Variants in LMO3 observed in about 807,000 individuals in gnomAD.
LMO3 encodes the protein LIM domain only protein 3.
In LMO3, 2 loss-of-function variants were observed where a neutral mutation model predicts 15.8. That is an observed-to-expected ratio of 0.13 (90% CI 0.05 to 0.40). LMO3 has a LOEUF of 0.40. Ranked by LOEUF, LMO3 falls within the 10% of genes least tolerant of loss-of-function variation. The probability of loss-of-function intolerance (pLI) is 0.99; values close to 1 mark genes in which losing one functional copy is unlikely to be tolerated. For synonymous variants in LMO3, 62 were observed against 63.8 expected, an observed-to-expected ratio of 0.97 and a Z score of 0.13; for missense variants, 86 against 182.2, an observed-to-expected ratio of 0.47 and a Z score of 3.04.
At chr12:16,605,012 C>A (rs1164272106) in intron 1 of LMO3, 1 of 1,579,462 alleles carries the variant, frequency 6.3e-7, no homozygotes, top group Non-Finnish European at 8.5e-7. Flanking sequence ...GCCTACACCG[C>A]CGAGGACCGA....
At position 16,559,391 on chromosome 12, in the gene LMO3, G is replaced by A. The variant is rs1042700575; in HGVS notation, c.332+1022C>T. Among the ~76,000 whole-genome samples the A allele has an allele frequency of 7.9e-5, 12 of 152,152 alleles. No individual in the cohort carries two copies. Among genetic ancestry groups the A allele is most frequent in the African/African-American group, 2.7e-4 (11 of 41,430 alleles). ...CTTTTCAGCTGAAAGAATTCTCTGA[G>A]ATGAACTAATCCAGCTTCATATGTT... On this transcript the variant is annotated intron_variant, in intron 3 of 3. Transcript: ENST00000537304. The surrounding 1 kb of genome is among the most constrained non-coding windows in gnomAD (Gnocchi z 4.1).
Position 16,585,773 on chromosome 12 carries a change from C to T in LMO3, c.206+14882G>A, listed in dbSNP as rs1177191154. On this transcript the variant is annotated intron_variant, in intron 2 of 3. Transcript: ENST00000537304. The surrounding 1 kb of genome is among the most constrained non-coding windows in gnomAD (Gnocchi z 4.7). ...TACAAAAGGCTGGAGAATCAATTAACATATATACTTCTAAACAATTGTTAG... is the reference window on the plus strand; with the variant it reads ...TACAAAAGGCTGGAGAATCAATTAATATATATACTTCTAAACAATTGTTAG... 1.3e-5 allele frequency among the ~76,000 whole-genome samples: 2 copies of T among 152,156 alleles called. No homozygotes were observed. Among genetic ancestry groups the T allele is most frequent in the Non-Finnish European group, 2.9e-5 (2 of 68,032 alleles).
Position 16,551,232 on chromosome 12 carries a change from T to A in LMO3, c.428A>T (p.Gln143Leu), listed in dbSNP as rs1565477501. 2.5e-6 allele frequency: 4 copies of A among 1,600,956 alleles called. No homozygotes were observed. In the Admixed American group the frequency reaches 6.7e-5, roughly 27 times the overall value. The change falls in exon 4 of 4, where the codon CAG becomes CTG. Residue 143 changes from glutamine (Q) to leucine (L), a missense_variant. Coordinates refer to ENST00000537304, the MANE Select transcript of LMO3 (RefSeq NM_018640.5). Reference sequence around the variant, plus strand: ...GGTGATGTTGATAGATCAGCGAACCTGGGGTGCATAACCTTCTTTCATTAA... The same window carrying A: ...GGTGATGTTGATAGATCAGCGAACCAGGGGTGCATAACCTTCTTTCATTAA... Reference protein sequence around the residue: ...EGLMKEGYAPQVR With the variant: ...EGLMKEGYAPLVR
At position 16,593,502 on chromosome 12, in the gene LMO3, G is replaced by A. The variant is rs923917838; in HGVS notation, c.206+7153C>T. Among the ~76,000 whole-genome samples, 4 of 151,806 alleles carry A rather than the reference G, an allele frequency of 2.6e-5. No homozygotes were observed. Among genetic ancestry groups the A allele is most frequent in the Admixed American group, 2.6e-4 (4 of 15,200 alleles). On this transcript the variant is annotated intron_variant, in intron 2 of 3. Coordinates refer to ENST00000537304, the MANE Select transcript of LMO3 (RefSeq NM_018640.5). This position sits in a 1 kb window ranked among gnomAD's most constrained non-coding sequence, Gnocchi z 4.2. ...CATCAGAAAACACTAACATGATAGC[G>A]CAAAGGAATTCGGCGAAAAGAGAAT...
At chr12:16,592,771 C>T (rs1943533501) in intron 2 of LMO3, among the ~76,000 whole-genome samples, 1 of 151,324 alleles carries the variant, frequency 6.6e-6, no homozygotes, top group South Asian at 2.1e-4. Flanking sequence ...AGCAGTATGT[C>T]AAAAAACACT....
intron 2 of LMO3, among the ~76,000 whole-genome samples, chr12:16,570,346 A>G (rs771867940): frequency 1.1e-4 from 16 of 152,018 alleles, no homozygotes; most frequent in Admixed American, 2.6e-4. Context: ...TTCTTTCCAT[A>G]CACTATATAT....
intron 1 of LMO3, 122 bp downstream of exon 1, chr12:16,605,944 T>C (rs980092308): frequency 2.2e-6 from 2 of 894,384 alleles, no homozygotes; most frequent in African/African-American, 3.3e-5. Flanking sequence ...AGCTCCAGTT[T>C]ATGCCTCATT....
chr12:16,594,148 G>A (rs1412415391), intron 2 of LMO3: 12 of 1,532,408 alleles, frequency 7.8e-6, no homozygotes, highest in Non-Finnish European at 9.6e-6. Context: ...AAGCTATGGT[G>A]ATTTGTTGGC....
At chr12:16,568,982 A>G (rs1942716881) in intron 2 of LMO3, among the ~76,000 whole-genome samples, 1 of 152,230 alleles carries the variant, frequency 6.6e-6, no homozygotes, top group Non-Finnish European at 1.5e-5. Context: ...ATGTATGCTA[A>G]TAGTGTGAAT....
chr12:16,574,597 G>C (rs928186572), intron 2 of LMO3, among the ~76,000 whole-genome samples: 23 of 152,228 alleles, frequency 1.5e-4, no homozygotes, highest in African/African-American at 5.3e-4. Flanking sequence ...CCCCCTATTT[G>C]TACCACTTTT....
intron 2 of LMO3, among the ~76,000 whole-genome samples, chr12:16,583,708 G>A (rs954974373): frequency 6.6e-6 from 1 of 152,186 alleles, no homozygotes; most frequent in Non-Finnish European, 1.5e-5. Flanking sequence ...CCACACTGTA[G>A]GAATGGATTG....
rs1489092434 is a variant in LMO3, at chr12:16,572,213, TGTACTTTTAC to T, written c.207-11685_207-11676del. Among the ~76,000 whole-genome samples the T allele has an allele frequency of 2.6e-5, 4 of 151,936 alleles. No individual in the cohort carries two copies. The East Asian group carries it at 7.7e-4, about 29-fold the overall frequency. ...TATTAAGAAGGAGAAATACTAAAGT[TGTACTTTTAC>T]GTAGTAAAGCTCTACAGAAGGAATT... On this transcript the variant is annotated intron_variant, in intron 2 of 3. Coordinates refer to ENST00000537304, the MANE Select transcript of LMO3 (RefSeq NM_018640.5).
rs1288794039 is a variant in LMO3 at position 16,585,336 on chromosome 12, T to C, written c.206+15319A>G. Among the ~76,000 whole-genome samples the C allele has an allele frequency of 6.6e-6, 1 of 152,200 alleles. No individual in the cohort carries two copies. The highest frequency in any genetic ancestry group is 1.5e-5 in the Non-Finnish European group (1 of 68,024). On this transcript the variant is annotated intron_variant, in intron 2 of 3. Transcript: ENST00000537304. The surrounding 1 kb of genome is among the most constrained non-coding windows in gnomAD (Gnocchi z 4.7). ...GAAAAAGGATTTGCATATTTGTGTATATATTTTTAAAAAGTGGATTAACTT... is the reference window on the plus strand; with the variant it reads ...GAAAAAGGATTTGCATATTTGTGTACATATTTTTAAAAAGTGGATTAACTT...
At chr12:16,580,609 T>C (rs1943130387) in intron 2 of LMO3, among the ~76,000 whole-genome samples, 1 of 152,022 alleles carries the variant, frequency 6.6e-6, no homozygotes, top group Non-Finnish European at 1.5e-5. Context: ...CATGGAAAAA[T>C]GTAGATCATA....
In LMO3 at chr12:16,586,676, G is replaced by C. The variant is rs554749362; in HGVS notation, c.206+13979C>G. Reference sequence around the variant, plus strand: ...AATAAGGCTATACCGTCGGGGTAGAGATTTCAAGATACACATCTTTTGACC... The same window carrying C: ...AATAAGGCTATACCGTCGGGGTAGACATTTCAAGATACACATCTTTTGACC... On this transcript the variant is annotated intron_variant, in intron 2 of 3. Transcript: ENST00000537304. This position sits in a 1 kb window ranked among gnomAD's most constrained non-coding sequence, Gnocchi z 4.3. Among the ~76,000 whole-genome samples the C allele has an allele frequency of 6.6e-6, 1 of 152,286 alleles. No individual in the cohort carries two copies. Among genetic ancestry groups the C allele is most frequent in the East Asian group, 1.9e-4 (1 of 5,168 alleles).
rs1943674473 is a variant in LMO3, at chr12:16,596,833, G to C, written c.206+3822C>G. On this transcript the variant is annotated intron_variant, in intron 2 of 3. Transcript: ENST00000537304. This position sits in a 1 kb window ranked among gnomAD's most constrained non-coding sequence, Gnocchi z 4.3. ...ACACAGTCATTTTTAATCTACTTTA[G>C]ACAATATCAATTTTAAGCTCCAACT... Among the ~76,000 whole-genome samples the C allele has an allele frequency of 1.3e-5, 2 of 151,460 alleles. No homozygotes were observed. Among genetic ancestry groups the C allele is most frequent in the Non-Finnish European group, 3.0e-5 (2 of 67,634 alleles).
intron 2 of LMO3, chr12:16,594,329 A>G: frequency 2.9e-6 from 4 of 1,377,190 alleles, no homozygotes; most frequent in East Asian, 5.1e-5. Context: ...TTATAAGCCA[A>G]TTAAACTAAA....
At position 16,550,549 on chromosome 12, in the gene LMO3, T is replaced by G. The variant is rs535101506; in HGVS notation, c.*673A>C. ...AAATGAAAGTGCTTTAAGATGAAAT[T>G]TTTATGTATTTTTTTAAAGCTGATT... On this transcript the variant is annotated 3_prime_UTR_variant, in exon 4 of 4. Coordinates refer to ENST00000537304, the MANE Select transcript of LMO3 (RefSeq NM_018640.5). 3.9e-5 allele frequency: 6 copies of G among 152,414 alleles called. No homozygotes were observed. The South Asian group carries it at 8.3e-4, about 21-fold the overall frequency. The allele number at this position is 152,414 out of a possible 1,614,324, so 9.4% of individuals were successfully genotyped here. A position where few individuals can be genotyped will look rare whatever the true frequency, so the allele number is the denominator to read the frequency against.
At chr12:16,607,430 A>AT (rs11303135), upstream of LMO3, 554 of 147,688 alleles carry the variant, frequency 3.8e-3, 2 homozygotes, top group African/African-American at 7.3e-3. Context: ...GCCTTGACAG[A>AT]TTTTTTTTTT....
Sources: gnomAD v4.1 joint callset for allele counts (sites outside exome capture counted in the v4.1 genomes callset) on GRCh38, gnomAD v4.1.1 for gene constraint, Gnocchi (gnomAD v3.1) non-coding constraint, MANE v1.5 for transcripts, NCBI Gene and HGNC (gene_info 2026-07-23, HGNC 2026-07-21) for gene names.